The following DNAH8 variants were observed in gnomAD, a reference collection of about 807,000 sequenced individuals.
The protein encoded by DNAH8 is dynein axonemal heavy chain 8.
Under a neutral mutation model 562.1 loss-of-function variants are expected in DNAH8, and 382 were observed. The ratio of observed to expected loss-of-function variants is 0.68; its 90% CI spans 0.63 to 0.74. The LOEUF (loss-of-function observed/expected upper bound fraction) is 0.74, where lower values mean the gene tolerates loss of function less well. DNAH8 is among the 30% of genes least tolerant of loss of function. DNAH8 has a pLI of 0.00. For synonymous variants in DNAH8, 1,881 were observed against 1,919.4 expected (o/e 0.98, Z 0.52); for missense variants, 5,203 against 5,620.4 (o/e 0.93, Z 2.37).
Position 38,875,843 on chromosome 6 carries a change from C to T in DNAH8, c.7858+15C>T. The T allele has an allele frequency of 6.6e-7, 1 of 1,525,746 alleles. No individual in the cohort carries two copies. The highest frequency in any genetic ancestry group is 9.0e-7 in the Non-Finnish European group (1 of 1,105,402). The allele number at this position is 1,525,746 out of a possible 1,614,324, so 94.5% of individuals were successfully genotyped here. ...TACTGATTATGGTAAGCCCACTGAACTATACCTTAAATGAAATGACTTTTT... is the reference window on the plus strand; with the variant it reads ...TACTGATTATGGTAAGCCCACTGAATTATACCTTAAATGAAATGACTTTTT... On this transcript the variant is annotated intron_variant, in intron 53 of 92. Transcript: ENST00000327475.
At chr6:39,023,828 G>A (rs1031495111) in intron 91 of DNAH8, among the ~76,000 whole-genome samples, 3 of 152,178 alleles carry the variant, frequency 2.0e-5, no homozygotes, top group Non-Finnish European at 2.9e-5. Flanking sequence ...GCCCATTAAC[G>A]TTTCCTATCT....
rs968419305 is a variant in DNAH8, at chr6:38,842,644, T to G, written c.4605-19T>G. The stretch of plus-strand genomic sequence containing the variant: ...TAAATGTGAAGGTGGCATATTTTTT[T>G]TCTCTTTCTTTCTGAAAGATGTCGT... On this transcript the variant is annotated intron_variant, in intron 34 of 92. Coordinates refer to ENST00000327475, the MANE Select transcript of DNAH8 (RefSeq NM_001206927.2). The G allele has an allele frequency of 1.4e-5, 23 of 1,604,316 alleles. No homozygotes were observed. Among genetic ancestry groups the G allele is most frequent in the Non-Finnish European group, 2.0e-5 (23 of 1,176,960 alleles).
At chr6:38,912,103 A>G (rs1216458771) in intron 66 of DNAH8, among the ~76,000 whole-genome samples, 1 of 152,186 alleles carries the variant, frequency 6.6e-6, no homozygotes, top group Non-Finnish European at 1.5e-5. Flanking sequence ...GGAAGAGATT[A>G]TATGTCCAGA....
At chr6:38,915,145 A>G (rs1470762668) in intron 67 of DNAH8, 56 bp from the exon 68 acceptor site, 6 of 1,464,620 alleles carry the variant, frequency 4.1e-6, no homozygotes, top group East Asian at 2.4e-5. Flanking sequence ...ATTCAGATCT[A>G]TAAATTTTGC....
intron 85 of DNAH8, among the ~76,000 whole-genome samples, chr6:38,980,322 A>G (rs1763942013): frequency 6.6e-6 from 1 of 152,206 alleles, no homozygotes; most frequent in Non-Finnish European, 1.5e-5. Flanking sequence ...TAAAAAACCC[A>G]CAAAACAAAA....
chr6:38,891,539 A>G (rs1779341795), intron 58 of DNAH8, among the ~76,000 whole-genome samples: 1 of 152,200 alleles, frequency 6.6e-6, no homozygotes, highest in Admixed American at 6.5e-5. Context: ...ATACACAATT[A>G]TTGGAAGAGG....
At chr6:38,815,868 T>C (rs1772214449) in intron 26 of DNAH8, among the ~76,000 whole-genome samples, 1 of 152,140 alleles carries the variant, frequency 6.6e-6, no homozygotes, top group Non-Finnish European at 1.5e-5. Context: ...GATCTTAAGT[T>C]AAAAATTAAA....
At chr6:38,717,941 C>T (rs571453985) in intron 1 of DNAH8, among the ~76,000 whole-genome samples, 10 of 151,938 alleles carry the variant, frequency 6.6e-5, no homozygotes, top group African/African-American at 1.5e-4. Flanking sequence ...GATGAAATAC[C>T]GTATATACAC....
At chr6:38,893,328 G>A (rs566696848) in intron 58 of DNAH8, among the ~76,000 whole-genome samples, 1 of 152,108 alleles carries the variant, frequency 6.6e-6, no homozygotes, top group African/African-American at 2.4e-5. Flanking sequence ...TAAGGCAGAA[G>A]CAGTTCAGAA....
intron 26 of DNAH8, among the ~76,000 whole-genome samples, chr6:38,820,741 A>C (rs542930164): frequency 2.0e-5 from 3 of 152,184 alleles, no homozygotes; most frequent in Non-Finnish European, 4.4e-5. Flanking sequence ...CACCATATGA[A>C]TAGAATAAAG....
chr6:39,007,559 A>T (rs915627775), intron 88 of DNAH8, among the ~76,000 whole-genome samples: 2 of 152,238 alleles, frequency 1.3e-5, no homozygotes, highest in South Asian at 4.1e-4. Flanking sequence ...ACCATGTCAC[A>T]CCTGGCTAGG....
chr6:39,008,927 A>G lies in DNAH8; in HGVS notation c.13328A>G (p.Glu4443Gly), dbSNP rs1259592779. The change falls in exon 89 of 93, where the codon GAA (glutamate) becomes GGA (glycine). Residue 4443 changes from glutamate to glycine, a missense_variant. Physicochemically the swap from Glu to Gly is moderately conservative, Grantham distance 98. Coordinates refer to ENST00000327475, the MANE Select transcript of DNAH8 (RefSeq NM_001206927.2). ...TREAIVYRLS[E>G]DMLSKLPPDY... ...GAGGCTATTGTTTATAGATTATCTG[A>G]AGATATGCTGAGTAAACTCCCTCCT... 1 of 1,611,676 alleles carries G rather than the reference A, an allele frequency of 6.2e-7. No individual in the cohort carries two copies. Among genetic ancestry groups the G allele is most frequent in the Non-Finnish European group, 8.5e-7 (1 of 1,177,952 alleles).
intron 38 of DNAH8, among the ~76,000 whole-genome samples, chr6:38,850,723 A>C (rs1331488987): frequency 6.6e-6 from 1 of 152,200 alleles, no homozygotes; most frequent in Non-Finnish European, 1.5e-5. Flanking sequence ...CTCCCTCTGA[A>C]GGCTCTAAGA....
At chr6:38,908,667 C>T (rs1780663714) in intron 64 of DNAH8, among the ~76,000 whole-genome samples, 1 of 152,302 alleles carries the variant, frequency 6.6e-6, no homozygotes, top group South Asian at 2.1e-4. Flanking sequence ...ATCCTCTCAC[C>T]TTAGACTCCC....
intron 40 of DNAH8, 94 bp from the exon 41 acceptor site, chr6:38,853,092 G>A: frequency 1.1e-6 from 1 of 932,990 alleles, no homozygotes; most frequent in Non-Finnish European, 1.6e-6. Flanking sequence ...TGTTTGCTTG[G>A]CATAGGGCAC....
chr6:38,944,112 A>G (rs530712757), intron 79 of DNAH8, among the ~76,000 whole-genome samples: 80 of 152,190 alleles, frequency 5.3e-4, no homozygotes, highest in African/African-American at 1.9e-3. Context: ...ACAACCAAGA[A>G]GAAAAGGGGT....
chr6:38,743,158 C>G (rs1764662261), intron 8 of DNAH8, among the ~76,000 whole-genome samples: 1 of 151,808 alleles, frequency 6.6e-6, no homozygotes, highest in Admixed American at 6.6e-5. Flanking sequence ...GCTGGGACTA[C>G]TGTCATATGC....
At chr6:38,762,507 T>C (rs1766616298) in intron 11 of DNAH8, among the ~76,000 whole-genome samples, 2 of 152,238 alleles carry the variant, frequency 1.3e-5, no homozygotes, top group South Asian at 4.1e-4. Context: ...GAAGCTGTAT[T>C]GGTGAGAGAG....
At chr6:38,999,762 G>T (rs1193567312) in intron 88 of DNAH8, among the ~76,000 whole-genome samples, 1 of 150,998 alleles carries the variant, frequency 6.6e-6, no homozygotes, top group Non-Finnish European at 1.5e-5. Context: ...AAAGACTCAA[G>T]AAGAGATAGA....
Sources: allele counts gnomAD v4.1 joint callset (sites outside exome capture counted in the v4.1 genomes callset), GRCh38; gene constraint gnomAD v4.1.1; transcripts MANE v1.5; gene names NCBI Gene and HGNC (gene_info 2026-07-23, HGNC 2026-07-21).